MACF1: variants seen among roughly 807,000 people sequenced by gnomAD.
MACF1 encodes the protein microtubule-actin cross-linking factor 1.
In MACF1, 193 loss-of-function variants were observed where a neutral mutation model predicts 854.8. That is an observed-to-expected ratio of 0.23 (90% CI 0.20 to 0.25). The LOEUF (loss-of-function observed/expected upper bound fraction) is 0.25. Among genes scored for constraint, MACF1 ranks in the 10% least tolerant of loss-of-function variants. The pLI, the probability that MACF1 is intolerant of heterozygous loss-of-function variation, is 1.00. For synonymous variants in MACF1, 3,185 were observed against 3,226.7 expected (o/e 0.99, Z 0.44); for missense variants, 7,722 against 8,929.1 (o/e 0.86, Z 5.45).
chr1:39,308,765 C>G (rs1646240222), intron 23 of MACF1, among the ~76,000 whole-genome samples: 1 of 152,030 alleles, frequency 6.6e-6, no homozygotes, highest in African/African-American at 2.4e-5. Flanking sequence ...AAGCGATTCT[C>G]CTGCCTCAGC....
rs750044511 is a variant in MACF1 at position 39,357,859 on chromosome 1, A to G, written c.11909A>G (p.Asp3970Gly). 1 of 1,613,836 alleles carries G rather than the reference A, an allele frequency of 6.2e-7. No homozygotes were observed. The highest frequency in any genetic ancestry group is 1.1e-5 in the South Asian group (1 of 91,052). Residue 3970 changes from aspartate to glycine, a missense_variant, in exon 45 of 101, where the codon GAT (aspartate) becomes GGT (glycine). Asp to Gly is a moderately conservative substitution (Grantham distance 94, BLOSUM62 -1). Coordinates refer to ENST00000564288, the MANE Select transcript of MACF1 (RefSeq NM_001394062.1). ...IGNLVKDKLK[D>G]ATERYTALHS... ...AACTTAGTAAAGGACAAGTTGAAGGATGCAACAGAAAGATACACTGCTCTC... is the reference window on the plus strand; with the variant it reads ...AACTTAGTAAAGGACAAGTTGAAGGGTGCAACAGAAAGATACACTGCTCTC...
In MACF1 at chr1:39,105,445, G is replaced by A; in HGVS notation, c.220+21007G>A. On this transcript the variant is annotated intron_variant, in intron 2 of 93. Coordinates refer to the MACF1 transcript ENST00000361689. The surrounding 1 kb of genome is among the most constrained non-coding windows in gnomAD (Gnocchi z 5.9). ...GAGCGCGAGCGGGCCGGGTGCGAGCGGACTGAGGAGCGGAGCGCGACTGCC... is the reference window on the plus strand; with the variant it reads ...GAGCGCGAGCGGGCCGGGTGCGAGCAGACTGAGGAGCGGAGCGCGACTGCC... The A allele has an allele frequency of 3.0e-6, 3 of 1,000,272 alleles. No homozygotes were observed. The highest frequency in any genetic ancestry group is 4.3e-5 in the South Asian group (1 of 23,442). The allele number at this position is 1,000,272 out of a possible 1,614,324, so 62.0% of individuals were successfully genotyped here.
chr1:39,442,528 A>G lies in MACF1; in HGVS notation c.19065A>G (p.Gly6355=). ...TAGATGCTCAGAGACCAATAAGTGG[A>G]GACCCAAAAGTCATTGAAGTTGAGC... ...ELLDAQRPIS[G]DPKVIEVELA... is the part of the protein sequence containing the mutation. Residue 6355 remains glycine (G), a synonymous_variant, in exon 77 of 101, where the codon GGA becomes GGG. Coordinates refer to ENST00000564288, the MANE Select transcript of MACF1 (RefSeq NM_001394062.1). 6.2e-7 allele frequency: 1 copy of G among 1,614,198 alleles called. No homozygotes were observed. The highest frequency in any genetic ancestry group is 8.5e-7 in the Non-Finnish European group (1 of 1,180,026).
At chr1:39,222,269 C>T (rs557934341) in intron 1 of MACF1, among the ~76,000 whole-genome samples, 7 of 152,270 alleles carry the variant, frequency 4.6e-5, no homozygotes, top group East Asian at 1.9e-4. Flanking sequence ...GGACCACAGG[C>T]GCAAGCCACC....
At chr1:39,289,693 CTTTTTTTTTTTTTTTTT>C (rs58188740) in intron 15 of MACF1, among the ~76,000 whole-genome samples, 567 of 29,024 alleles carry the variant, frequency 0.02, 21 homozygotes, top group African/African-American at 0.071. Context: ...GTGGGTTGTC[CTTTTTTTTTTTTTTTTT>C]TTTTTTTTTT....
intron 52 of MACF1, 116 bp downstream of exon 52, chr1:39,372,712 G>A (rs1649353641): frequency 2.7e-6 from 2 of 752,904 alleles, no homozygotes; most frequent in Admixed American, 2.2e-5. Context: ...AAAACAAAGG[G>A]CATGCCCAAA....
chr1:39,338,257 GTTGTT>G (rs776774620), intron 38 of MACF1, among the ~76,000 whole-genome samples: 85 of 138,606 alleles, frequency 6.1e-4, no homozygotes, highest in Non-Finnish European at 8.7e-4. Context: ...GGTTTTTTGG[GTTGTT>G]TTTTTTTTTT....
chr1:39,204,345 A>G (rs1199752366), upstream of MACF1: 2 of 152,180 alleles, frequency 1.3e-5, no homozygotes, highest in Non-Finnish European at 2.9e-5. Flanking sequence ...GCTGATCTTC[A>G]TCACACCTAG....
At chr1:39,088,597 T>C (rs1641733652) in intron 2 of MACF1, among the ~76,000 whole-genome samples, 1 of 152,154 alleles carries the variant, frequency 6.6e-6, no homozygotes, top group South Asian at 2.1e-4. Flanking sequence ...TCTCTGTCTT[T>C]AGTGAAGAGC....
intron 91 of MACF1, chr1:39,459,668 A>G (rs1262310436): frequency 2.8e-6 from 1 of 361,316 alleles, no homozygotes; most frequent in Non-Finnish European, 5.0e-6. Flanking sequence ...GTAATTTTTA[A>G]TGATTTTGTT....
At chr1:39,225,149 A>C (rs1644699608) in intron 1 of MACF1, among the ~76,000 whole-genome samples, 1 of 152,138 alleles carries the variant, frequency 6.6e-6, no homozygotes, top group Non-Finnish European at 1.5e-5. Context: ...ATGCTGCTGC[A>C]TTCCAGCCTG....
chr1:39,331,620 C>T lies in MACF1; in HGVS notation c.5032C>T (p.Gln1678Ter). ...TATTAACCTGGAAGAGGCTTTTCATCAAGGCCTCATTTCTGCATGGCTTCA... is the reference window on the plus strand; with the variant it reads ...TATTAACCTGGAAGAGGCTTTTCATTAAGGCCTCATTTCTGCATGGCTTCA... ...NCINLEEAFH[Q>*]GLISAWLHSV... is the part of the protein sequence containing the mutation. The change falls in exon 37 of 101, where the codon CAA becomes TAA. Residue 1678 changes from glutamine (Q) to a stop codon, truncating the protein, a stop_gained. Coordinates refer to ENST00000564288, the MANE Select transcript of MACF1 (RefSeq NM_001394062.1). LOFTEE classifies it high-confidence loss of function. The T allele has an allele frequency of 6.2e-7, 1 of 1,614,164 alleles. No homozygotes were observed. The highest frequency in any genetic ancestry group is 8.5e-7 in the Non-Finnish European group (1 of 1,180,028).
chr1:39,324,551 A>G (rs1192907436), intron 34 of MACF1, 95 bp from the exon 35 acceptor site: 7 of 1,147,904 alleles, frequency 6.1e-6, no homozygotes, highest in African/African-American at 1.6e-5. Flanking sequence ...CCTAAGCTGC[A>G]TATTTTCTCT....
At position 39,389,423 on chromosome 1, in the gene MACF1, G is replaced by T. The variant is rs186077423; in HGVS notation, c.15816+765G>T. Among the ~76,000 whole-genome samples the T allele has an allele frequency of 5.8e-3, 844 of 146,684 alleles. 8 individuals are homozygous for T. The highest frequency in any genetic ancestry group is 9.5e-3 in the Non-Finnish European group (638 of 67,072). ...AGCCCAGGTTGGAGTGCAGTGGGGC[G>T]ATCTAGGCTCACTGAAACCTCCACC... On this transcript the variant is annotated intron_variant, in intron 58 of 100. Transcript: ENST00000564288.
chr1:39,095,700 G>GT (rs1459775858), intron 2 of MACF1, among the ~76,000 whole-genome samples: 1 of 151,036 alleles, frequency 6.6e-6, no homozygotes, highest in African/African-American at 2.4e-5. Context: ...GAGCAACATA[G>GT]TGAGACCACC....
At position 39,443,541 on chromosome 1, in the gene MACF1, T is replaced by C. The variant is rs1211354011; in HGVS notation, c.19398T>C (p.Pro6466=). The C allele has an allele frequency of 6.2e-7, 1 of 1,613,278 alleles. No individual in the cohort carries two copies. The highest frequency in any genetic ancestry group is 1.3e-5 in the African/African-American group (1 of 74,898). The change falls in exon 79 of 101, where the codon CCT becomes CCC. Residue 6466 remains proline (P), a synonymous_variant. Coordinates refer to ENST00000564288, the MANE Select transcript of MACF1 (RefSeq NM_001394062.1). ...CATCTAAGCCCACAGGAGGACTTCC[T>C]GAAACTGCTAGGGAACAGCTTGATA... ...LSASKPTGGL[P]ETAREQLDTH... is the part of the protein sequence containing the mutation.
intron 5 of MACF1, among the ~76,000 whole-genome samples, chr1:39,256,892 GAAA>G (rs1251607615): frequency 1.1e-5 from 1 of 91,100 alleles, no homozygotes. Context: ...AGAACCTTAA[GAAA>G]AAAAAAAAAA....
At chr1:39,410,194 G>C in intron 58 of MACF1, 1 of 1,129,980 alleles carries the variant, frequency 8.8e-7, no homozygotes, top group Non-Finnish European at 1.3e-6. Context: ...TATAACTTAT[G>C]TAGAATGCAT....
intron 2 of MACF1, among the ~76,000 whole-genome samples, chr1:39,232,413 A>T (rs564642713): frequency 1.3e-5 from 2 of 152,072 alleles, no homozygotes; most frequent in African/African-American, 2.4e-5. Flanking sequence ...CTCTCTTACA[A>T]TGACTTCTAG....
Sources: allele counts gnomAD v4.1 joint callset (sites outside exome capture counted in the v4.1 genomes callset), GRCh38; gene constraint gnomAD v4.1.1; non-coding constraint Gnocchi (gnomAD v3.1); transcripts MANE v1.5; gene names NCBI Gene and HGNC (gene_info 2026-07-23, HGNC 2026-07-21).